The following SBF1 variants were observed in gnomAD, a reference collection of about 807,000 sequenced individuals.
The protein encoded by SBF1 is SET binding factor 1, also known as myotubularin-related protein 5.
Under a neutral mutation model 215.8 loss-of-function variants are expected in SBF1, and 65 were observed. The observed-to-expected ratio is 0.30, with a 90% confidence interval of 0.25 to 0.37. The LOEUF is 0.37. Ranked by LOEUF, SBF1 falls within the 10% of genes least tolerant of loss-of-function variation. The pLI, the probability that SBF1 is intolerant of heterozygous loss-of-function variation, is 1.00. For missense variants in SBF1, 2,634 were observed against 2,667.8 expected, an observed-to-expected ratio of 0.99 and a Z score of 0.28; for synonymous variants, 1,410 against 1,122.8, an observed-to-expected ratio of 1.26 and a Z score of -5.11.
chr22:50,458,993 A>G (rs2067380803), intron 28 of SBF1, among the ~76,000 whole-genome samples: 1 of 152,222 alleles, frequency 6.6e-6, no homozygotes, highest in African/African-American at 2.4e-5. Flanking sequence ...AGGAAGCTGC[A>G]GCAGACGCAG....
At chr22:50,454,449 C>T in intron 36 of SBF1, 63 bp downstream of exon 36, 1 of 1,422,172 alleles carries the variant, frequency 7.0e-7, no homozygotes. Flanking sequence ...ACACGCACGA[C>T]CCTGGTGTCT....
chr22:50,454,249 T>C (rs924625573), intron 36 of SBF1, among the ~76,000 whole-genome samples: 3 of 152,124 alleles, frequency 2.0e-5, no homozygotes, highest in Admixed American at 6.5e-5. Flanking sequence ...GTGGAGGCTG[T>C]GTACTGAGAC....
chr22:50,471,565 A>T (rs1260970174), intron 1 of SBF1, among the ~76,000 whole-genome samples: 1 of 152,270 alleles, frequency 6.6e-6, no homozygotes, highest in Middle Eastern at 3.4e-3. Flanking sequence ...GAAAAGAGAA[A>T]AGAAGGAAGG....
At chr22:50,461,020 T>C (rs753432080) in intron 23 of SBF1, 139 bp downstream of exon 23, 1 of 1,165,734 alleles carries the variant, frequency 8.6e-7, no homozygotes. Context: ...AGAGCCACAG[T>C]GAGGGCCCCA....
intron 31 of SBF1, 48 bp downstream of exon 31, chr22:50,456,163 CAAGGG>C: frequency 1.9e-6 from 3 of 1,586,378 alleles, no homozygotes; most frequent in Non-Finnish European, 2.6e-6. Flanking sequence ...TGGCTCTACC[CAAGGG>C]GAGGGCCCAG....
At position 50,455,343 on chromosome 22, in the gene SBF1, C is replaced by A. The variant is rs775701760; in HGVS notation, c.4435G>T (p.Val1479Leu). ...CCGAAGGACAGCCACTCCTTCTCCA[C>A]CAGCAGGCGAAAGCCCTCCAGCGTG... ...YRTLEGFRLL[V>L]EKEWLSFGHR... The change falls in exon 33 of 41, where the codon GTG becomes TTG. Residue 1479 changes from valine (V) to leucine (L), a missense_variant. Val to Leu is a conservative substitution (Grantham distance 32). Coordinates refer to ENST00000380817, the MANE Select transcript of SBF1 (RefSeq NM_002972.4). 1 of 1,613,618 alleles carries A rather than the reference C, an allele frequency of 6.2e-7. No homozygotes were observed. The highest frequency in any genetic ancestry group is 8.5e-7 in the Non-Finnish European group (1 of 1,179,974).
intron 36 of SBF1, among the ~76,000 whole-genome samples, chr22:50,450,469 C>T (rs1027913191): frequency 6.6e-6 from 1 of 150,940 alleles, no homozygotes; most frequent in East Asian, 2.0e-4. Context: ...TGCAGTGAGC[C>T]GAGAGTGCGC....
In SBF1 at chr22:50,463,646, A is replaced by G. The variant is rs77398337; in HGVS notation, c.1750-214T>C. 0.1 allele frequency among the ~76,000 whole-genome samples: 15,792 copies of G among 152,274 alleles called. 1,153 individuals are homozygous for G. Among genetic ancestry groups the G allele is most frequent in the African/African-American group, 0.2 (8,509 of 41,538 alleles). On this transcript the variant is annotated intron_variant, in intron 15 of 40. Transcript: ENST00000380817. ...CACCAGGCCAGACACAAGGACGCAG[A>G]TGCTGCACCTGTGAGCTGGCAGGGA...
At position 50,462,307 on chromosome 22, in the gene SBF1, C is replaced by T. The variant is rs1032692175; in HGVS notation, c.2294G>A (p.Ser765Asn). The T allele has an allele frequency of 5.0e-6, 8 of 1,613,774 alleles. No individual in the cohort carries two copies. Among genetic ancestry groups the T allele is most frequent in the South Asian group, 1.1e-5 (1 of 91,096 alleles). The change falls in exon 19 of 41, where the codon AGC (serine) becomes AAC (asparagine). Residue 765 changes from serine (S) to asparagine (N), a missense_variant. By Grantham distance (46) the Ser-to-Asn change is conservative (BLOSUM62 1). Transcript: ENST00000380817. ...GCTGTCCAGGGGCAGGAGGAGGTAG[C>T]TCATGCGGTTGGCATAGTGGATGGC... ...SQAIHYANRMSYLLLPLDSSK... is the reference protein window; with the variant it reads ...SQAIHYANRMNYLLLPLDSSK...
Position 50,446,992 on chromosome 22 carries a change from G to GCGGGGA in SBF1, c.*144_*149dup, listed in dbSNP as rs913322509. ...GTTAGGGCCGGCCGGGCGGGGCGGG[G>GCGGGGA]CGGGGACGGGGGCTGTACACACAAG... On this transcript the variant is annotated 3_prime_UTR_variant, in exon 41 of 41. Coordinates refer to ENST00000380817, the MANE Select transcript of SBF1 (RefSeq NM_002972.4). The GCGGGGA allele has an allele frequency of 4.2e-5, 32 of 756,570 alleles. No individual in the cohort carries two copies. The highest frequency in any genetic ancestry group is 3.3e-4 in the African/African-American group (19 of 58,222). The allele number at this position is 756,570 out of a possible 1,614,324, so 46.9% of individuals were successfully genotyped here. A position where few individuals can be genotyped will look rare whatever the true frequency, so the allele number is the denominator to read the frequency against.
Position 50,474,874 on chromosome 22 carries a change from G to A in SBF1, c.-34C>T, listed in dbSNP as rs1290055868. On this transcript the variant is annotated 5_prime_UTR_variant, in exon 1 of 41. Transcript: ENST00000380817. ...ACGCGGGGCGGCCCGAGGGGCGCGG[G>A]CGGGCTCCGCGGCTCGGGGACTCGA... The A allele has an allele frequency of 3.0e-6, 4 of 1,338,164 alleles. No homozygotes were observed. The highest frequency in any genetic ancestry group is 2.9e-6 in the Non-Finnish European group (3 of 1,046,942). The allele number at this position is 1,338,164 out of a possible 1,614,324, so 82.9% of individuals were successfully genotyped here.
chr22:50,447,774 A>C (rs1377840559), intron 38 of SBF1, among the ~76,000 whole-genome samples, 165 bp from the exon 39 acceptor site: 1 of 152,342 alleles, frequency 6.6e-6, no homozygotes, highest in Non-Finnish European at 1.5e-5. Flanking sequence ...GCCACAAAGA[A>C]GCCTTTGATG....
rs1343702777 is a variant in SBF1, at chr22:50,456,251, G to A, written c.4231C>T (p.Leu1411=). The stretch of plus-strand genomic sequence containing the variant: ...CACTCTGAGTCCTCCAGTGAGCGCA[G>A]GAAGGAGGCTGGGCTGGGCTCAGCA... ...PAAEPSPASF[L]RSLEDSEWLI... The change falls in exon 31 of 41, where the codon CTG becomes TTG. Residue 1411 remains leucine, a synonymous_variant. Coordinates refer to ENST00000380817, the MANE Select transcript of SBF1 (RefSeq NM_002972.4). 3 of 1,612,520 alleles carry A rather than the reference G, an allele frequency of 1.9e-6. No individual in the cohort carries two copies. Among genetic ancestry groups the A allele is most frequent in the Non-Finnish European group, 2.5e-6 (3 of 1,179,928 alleles).
intron 36 of SBF1, among the ~76,000 whole-genome samples, chr22:50,452,385 C>G (rs2148562483): frequency 6.6e-6 from 1 of 152,098 alleles, no homozygotes; most frequent in Admixed American, 6.5e-5. Flanking sequence ...AAGACTTTTT[C>G]CTTCTTTCTT....
At position 50,454,760 on chromosome 22, in the gene SBF1, GT is replaced by G. The variant is rs1569510011; in HGVS notation, c.4813-19del. 1 of 1,592,308 alleles carries G rather than the reference GT, an allele frequency of 6.3e-7. No individual in the cohort carries two copies. Among genetic ancestry groups the G allele is most frequent in the Non-Finnish European group, 8.5e-7 (1 of 1,172,000 alleles). On this transcript the variant is annotated intron_variant, in intron 35 of 40. Coordinates refer to ENST00000380817, the MANE Select transcript of SBF1 (RefSeq NM_002972.4). ...CGCAGGACCTGAGGGTGGGCCTGTG[GT>G]TGAGGACCTGGGTCGGGCAGGAGCC...
Position 50,446,952 on chromosome 22 carries a change from G to A in SBF1, c.*190C>T, listed in dbSNP as rs1043291585. 17 of 709,402 alleles carry A rather than the reference G, an allele frequency of 2.4e-5. No individual in the cohort carries two copies. The highest frequency in any genetic ancestry group is 3.8e-5 in the Non-Finnish European group (15 of 392,748). The allele number at this position is 709,402 out of a possible 1,614,324, so 43.9% of individuals were successfully genotyped here. ...CCACCTCCCGGCACGGTGCTCAGCT[G>A]TGACGCCAAAATAAGTTAGGGCCGG... On this transcript the variant is annotated 3_prime_UTR_variant, in exon 41 of 41. Coordinates refer to ENST00000380817, the MANE Select transcript of SBF1 (RefSeq NM_002972.4).
chr22:50,474,350 G>A (rs2068097586), intron 1 of SBF1, among the ~76,000 whole-genome samples: 1 of 152,198 alleles, frequency 6.6e-6, no homozygotes, highest in Middle Eastern at 3.2e-3. Context: ...GAGGCGGGCT[G>A]GCGAGCCGCG....
intron 28 of SBF1, 28 bp from the exon 29 acceptor site, chr22:50,457,139 G>A: frequency 6.9e-7 from 1 of 1,450,288 alleles, no homozygotes; most frequent in East Asian, 3.0e-5. Flanking sequence ...AGAAGGCTCA[G>A]GCCTAGCCCC....
In SBF1 at chr22:50,461,208, A is replaced by G; in HGVS notation, c.2918T>C (p.Val973Ala). 6.2e-7 allele frequency: 1 copy of G among 1,612,396 alleles called. No homozygotes were observed. The highest frequency in any genetic ancestry group is 8.5e-7 in the Non-Finnish European group (1 of 1,179,328). The part of the protein sequence containing the change: ...KEKRISVQTP[V>A]DQLLQDGLQL... The stretch of plus-strand genomic sequence containing the variant: ...GAGCCCGTCCTGCAGGAGCTGGTCC[A>G]CAGGGGTCTGGACGCTGATGCGCTT... The change falls in exon 23 of 41, where the codon GTG (valine) becomes GCG (alanine). Residue 973 changes from valine to alanine, a missense_variant. Transcript: ENST00000380817.
Sources: gnomAD v4.1 joint callset for allele counts (sites outside exome capture counted in the v4.1 genomes callset) on GRCh38, gnomAD v4.1.1 for gene constraint, MANE v1.5 for transcripts, NCBI Gene and HGNC (gene_info 2026-07-23, HGNC 2026-07-21) for gene names.